Variants in INPP4B observed in about 807,000 individuals in gnomAD.
The protein encoded by INPP4B is inositol polyphosphate-4-phosphatase type II B.
A neutral mutation model predicts 122.5 loss-of-function variants in INPP4B; 55 were observed. That is an observed-to-expected ratio of 0.45 (90% CI 0.36 to 0.56). The LOEUF is 0.56. Ranked by LOEUF, INPP4B falls within the 20% of genes least tolerant of loss-of-function variation. INPP4B has a pLI of 0.00. For synonymous variants in INPP4B, 403 were observed against 388.7 expected (o/e 1.04, Z -0.43); for missense variants, 1,000 against 1,097.7 (o/e 0.91, Z 1.26).
chr4:142,467,664 T>C (rs946298583), intron 2 of INPP4B, among the ~76,000 whole-genome samples: 4 of 152,162 alleles, frequency 2.6e-5, no homozygotes, highest in African/African-American at 9.7e-5. Context: ...TGGAGGACTA[T>C]TGGAAAGGCA....
At chr4:142,224,867 C>T (rs912167607) in intron 12 of INPP4B, among the ~76,000 whole-genome samples, 10 of 151,802 alleles carry the variant, frequency 6.6e-5, no homozygotes, top group African/African-American at 9.7e-5. Context: ...AGATAAGGCG[C>T]GTGTATTCTC....
intron 2 of INPP4B, among the ~76,000 whole-genome samples, chr4:142,646,036 G>C (rs1345105571): frequency 1.3e-5 from 2 of 152,166 alleles, no homozygotes; most frequent in Non-Finnish European, 2.9e-5. Context: ...GTAGTATCCT[G>C]TGGCCAGGGT....
intron 1 of INPP4B, among the ~76,000 whole-genome samples, chr4:142,811,504 A>G (rs1779512352): frequency 6.6e-6 from 1 of 152,226 alleles, no homozygotes; most frequent in Admixed American, 6.5e-5. Flanking sequence ...TTGCTATGTC[A>G]TGATTCAGAA....
intron 20 of INPP4B, 68 bp downstream of exon 20, chr4:142,123,224 A>G (rs1176491846): frequency 1.5e-6 from 2 of 1,334,994 alleles, no homozygotes; most frequent in East Asian, 2.5e-5. Context: ...GTTTTCTTGA[A>G]AAATTTCTGG....
At chr4:142,218,401 T>C (rs1342160471) in intron 12 of INPP4B, among the ~76,000 whole-genome samples, 1 of 152,150 alleles carries the variant, frequency 6.6e-6, no homozygotes, top group Non-Finnish European at 1.5e-5. Context: ...AGAACCAAAA[T>C]TGGTAAACTT....
chr4:142,323,672 C>T (rs894774962), intron 7 of INPP4B, among the ~76,000 whole-genome samples: 2 of 151,772 alleles, frequency 1.3e-5, no homozygotes, highest in Non-Finnish European at 2.9e-5. Flanking sequence ...GTCTCAATCT[C>T]CTGACCTTGT....
chr4:142,139,745 A>C (rs1806758598), intron 18 of INPP4B, among the ~76,000 whole-genome samples: 1 of 152,198 alleles, frequency 6.6e-6, no homozygotes, highest in Non-Finnish European at 1.5e-5. Context: ...TAGGATGAAA[A>C]ATCTTTGGCA....
chr4:142,223,623 T>C (rs1850303316), intron 12 of INPP4B, among the ~76,000 whole-genome samples: 1 of 152,158 alleles, frequency 6.6e-6, no homozygotes, highest in Admixed American at 6.5e-5. Context: ...GACCTCTCAT[T>C]AAGTGATACC....
chr4:142,594,358 T>G (rs1321754020), intron 2 of INPP4B, among the ~76,000 whole-genome samples: 1 of 152,208 alleles, frequency 6.6e-6, no homozygotes, highest in African/African-American at 2.4e-5. Flanking sequence ...AAGGTTTGCA[T>G]CAATGTCCAA....
intron 1 of INPP4B, among the ~76,000 whole-genome samples, chr4:142,771,351 G>GT (rs1773032604): frequency 6.6e-6 from 1 of 152,068 alleles, no homozygotes; most frequent in African/African-American, 2.4e-5. Flanking sequence ...TTTTAAAACG[G>GT]GAATGTTATG....
chr4:142,151,045 T>TA (rs1813641262), intron 17 of INPP4B, among the ~76,000 whole-genome samples: 1 of 152,200 alleles, frequency 6.6e-6, no homozygotes, highest in East Asian at 1.9e-4. Flanking sequence ...GTCAGTGAAT[T>TA]AACAAGGCCA....
intron 15 of INPP4B, among the ~76,000 whole-genome samples, chr4:142,192,591 T>C (rs1445105442): frequency 4.6e-5 from 7 of 152,090 alleles, no homozygotes; most frequent in Non-Finnish European, 7.4e-5. Flanking sequence ...TTATAAATAA[T>C]AGTGGTAATA....
At chr4:142,369,547 A>G (rs1270061299) in intron 7 of INPP4B, among the ~76,000 whole-genome samples, 1 of 151,570 alleles carries the variant, frequency 6.6e-6, no homozygotes, top group Non-Finnish European at 1.5e-5. Flanking sequence ...ACTGCATTTC[A>G]GCCTGGGTGA....
At chr4:142,577,044 T>C (rs1734005976) in intron 2 of INPP4B, among the ~76,000 whole-genome samples, 1 of 152,038 alleles carries the variant, frequency 6.6e-6, no homozygotes, top group African/African-American at 2.4e-5. Context: ...TATCCAATAG[T>C]CTATTAAATT....
At chr4:142,128,267 C>A (rs539168671) in intron 18 of INPP4B, among the ~76,000 whole-genome samples, 163 of 151,984 alleles carry the variant, frequency 1.1e-3, no homozygotes, top group Non-Finnish European at 1.8e-3. Flanking sequence ...CACACATACA[C>A]ACAATCTTAG....
chr4:142,168,211 C>T (rs1292166052), intron 16 of INPP4B, among the ~76,000 whole-genome samples: 2 of 151,336 alleles, frequency 1.3e-5, no homozygotes, highest in African/African-American at 2.4e-5. Flanking sequence ...CTTCTTGGGT[C>T]TGTAGTTTCA....
chr4:142,135,185 C>T (rs1803432052), intron 18 of INPP4B, among the ~76,000 whole-genome samples: 1 of 152,130 alleles, frequency 6.6e-6, no homozygotes, highest in African/African-American at 2.4e-5. Context: ...CAATATTGGG[C>T]CTCTATTATT....
intron 2 of INPP4B, among the ~76,000 whole-genome samples, chr4:142,492,429 A>T (rs1821998539): frequency 6.6e-6 from 1 of 152,104 alleles, no homozygotes; most frequent in Non-Finnish European, 1.5e-5. Context: ...AACTTCCTAG[A>T]GACTTGGAGG....
At chr4:142,701,640 G>A (rs1333564390) in intron 2 of INPP4B, among the ~76,000 whole-genome samples, 2 of 151,910 alleles carry the variant, frequency 1.3e-5, no homozygotes, top group Admixed American at 1.3e-4. Flanking sequence ...TAGTTTGAAA[G>A]ACCATTTCTT....
Sources: allele counts gnomAD v4.1 joint callset (sites outside exome capture counted in the v4.1 genomes callset), GRCh38; gene constraint gnomAD v4.1.1; transcripts MANE v1.5; gene names NCBI Gene and HGNC (gene_info 2026-07-23, HGNC 2026-07-21).